SURF4: variants seen among roughly 807,000 people sequenced by gnomAD.
The protein encoded by SURF4 is surfeit 4, also known as surfeit locus protein 4.
A neutral mutation model predicts 30.0 loss-of-function variants in SURF4; 3 were observed. The observed-to-expected ratio is 0.10, with a 90% confidence interval of 0.05 to 0.26. The LOEUF is 0.26. Ranked by LOEUF, SURF4 falls within the 10% of genes least tolerant of loss-of-function variation. SURF4 has a pLI of 1.00. For synonymous variants in SURF4, 143 were observed against 139.9 expected, an observed-to-expected ratio of 1.02 and a Z score of -0.16; for missense variants, 217 against 350.8, an observed-to-expected ratio of 0.62 and a Z score of 3.05.
Position 133,366,607 on chromosome 9 carries a change from C to T in SURF4, c.304G>A (p.Ala102Thr). The T allele has an allele frequency of 1.2e-6, 2 of 1,613,940 alleles. No homozygotes were observed. Among genetic ancestry groups the T allele is most frequent in the Non-Finnish European group, 1.7e-6 (2 of 1,180,012 alleles). The part of the protein sequence containing the change: ...YACFGLFGII[A>T]LQTIAYSILW... ...CCACGCGGCCCGTGTACCTGCAGAG[C>T]TATGATTCCAAAGAGCCCGAAGCAG... is the stretch of plus-strand genomic sequence containing the variant. Residue 102 changes from alanine (A) to threonine (T), a missense_variant, in exon 3 of 6, where the codon GCT (alanine) becomes ACT (threonine). Physicochemically the swap from Ala to Thr is moderately conservative, Grantham distance 58. Coordinates refer to ENST00000371989, the MANE Select transcript of SURF4 (RefSeq NM_033161.4).
chr9:133,365,996 C>T lies in SURF4; in HGVS notation c.345G>A (p.Lys115=), dbSNP rs2130122223. The change falls in exon 4 of 6, where the codon AAG becomes AAA. Residue 115 remains lysine (K), a synonymous_variant. Coordinates refer to ENST00000371989, the MANE Select transcript of SURF4 (RefSeq NM_033161.4). Reference sequence around the variant, plus strand: ...CAGAATGCACATACCTCATCAAAAACTTCAAGTCCCATAAAATGCTGTAGG... The same window carrying T: ...CAGAATGCACATACCTCATCAAAAATTTCAAGTCCCATAAAATGCTGTAGG... ...TIAYSILWDL[K]FLMRNLALGG... 2 of 1,614,038 alleles carry T rather than the reference C, an allele frequency of 1.2e-6. No individual in the cohort carries two copies. Among genetic ancestry groups the T allele is most frequent in the East Asian group, 2.2e-5 (1 of 44,884 alleles).
At chr9:133,376,440 G>T (rs1348741328), upstream of SURF4, 3 of 1,544,262 alleles carry the variant, frequency 1.9e-6, no homozygotes, top group South Asian at 1.2e-5. Context: ...GGGGCCAGGG[G>T]TGGACGCTCG....
chr9:133,361,583 A>G lies in SURF4; in HGVS notation c.*1910T>C, dbSNP rs1427726326. 1 of 154,722 alleles carries G rather than the reference A, an allele frequency of 6.5e-6. No individual in the cohort carries two copies. Among genetic ancestry groups the G allele is most frequent in the Non-Finnish European group, 1.4e-5 (1 of 69,624 alleles). 9.6% of individuals were successfully genotyped at this position (154,722 alleles called of 1,614,324 possible). ...TAGATCTGTTTCCCACATAAAGCAAAAAAATCTTAGAAATTGTTTTGCCAG... is the reference window on the plus strand; with the variant it reads ...TAGATCTGTTTCCCACATAAAGCAAGAAAATCTTAGAAATTGTTTTGCCAG... On this transcript the variant is annotated 3_prime_UTR_variant, in exon 6 of 6. Coordinates refer to ENST00000371989, the MANE Select transcript of SURF4 (RefSeq NM_033161.4).
At chr9:133,372,788 G>A (rs1360935567) in intron 1 of SURF4, 1 of 267,316 alleles carries the variant, frequency 3.7e-6, no homozygotes, top group Non-Finnish European at 5.8e-6. Context: ...TGAATAAAGA[G>A]AAACAAAGCC....
rs2130236742 is a variant in SURF4 at position 133,375,423 on chromosome 9, C to T, written c.48+499G>A. ...AGAAAAGGAAAAGGTGCTGTGGCTTCCTGTAGCTGGGGCGCACGCCAGCGC... is the reference window on the plus strand; with the variant it reads ...AGAAAAGGAAAAGGTGCTGTGGCTTTCTGTAGCTGGGGCGCACGCCAGCGC... On this transcript the variant is annotated intron_variant, in intron 1 of 5. Coordinates refer to ENST00000371989, the MANE Select transcript of SURF4 (RefSeq NM_033161.4). 5 of 985,898 alleles carry T rather than the reference C, an allele frequency of 5.1e-6. No individual in the cohort carries two copies. In the African/African-American group the frequency reaches 5.2e-5, roughly 10 times the overall value. The allele number at this position is 985,898 out of a possible 1,614,324, so 61.1% of individuals were successfully genotyped here. A position where few individuals can be genotyped will look rare whatever the true frequency, so the allele number is the denominator to read the frequency against.
At chr9:133,365,158 G>T in intron 4 of SURF4, 132 bp from the exon 5 acceptor site, 1 of 830,698 alleles carries the variant, frequency 1.2e-6, no homozygotes, top group Non-Finnish European at 1.8e-6. Context: ...CCAGTGATCT[G>T]CCAAGCAGGA....
chr9:133,373,042 G>A (rs1287747480), intron 1 of SURF4, among the ~76,000 whole-genome samples: 1 of 152,184 alleles, frequency 6.6e-6, no homozygotes, highest in Admixed American at 6.5e-5. Flanking sequence ...TTACAGATAT[G>A]GTCCTAACCC....
intron 1 of SURF4, chr9:133,375,191 T>G: frequency 1.0e-6 from 1 of 985,082 alleles, no homozygotes; most frequent in Non-Finnish European, 1.2e-6. Flanking sequence ...CTCTCAACAG[T>G]TACCCAACCG....
chr9:133,376,126 A>C, upstream of SURF4: 5 of 1,204,832 alleles, frequency 4.1e-6, no homozygotes, highest in Non-Finnish European at 5.2e-6. Flanking sequence ...GCCAAGCCTT[A>C]AAGGGGCCGC....
intron 1 of SURF4, among the ~76,000 whole-genome samples, chr9:133,367,694 C>A (rs1224964525): frequency 6.6e-6 from 1 of 152,230 alleles, no homozygotes; most frequent in East Asian, 1.9e-4. Context: ...TGACGTTAGG[C>A]CCTCTGGGGC....
At chr9:133,366,255 T>C (rs2130125024) in intron 3 of SURF4, among the ~76,000 whole-genome samples, 1 of 152,372 alleles carries the variant, frequency 6.6e-6, no homozygotes. Context: ...ACCACTGATG[T>C]GGATTCAGAT....
upstream of SURF4, among the ~76,000 whole-genome samples, chr9:133,377,252 C>T (rs1837999869): frequency 6.6e-6 from 1 of 152,070 alleles, no homozygotes; most frequent in Non-Finnish European, 1.5e-5. Context: ...AGGAATATAC[C>T]TGCTTTTGGA....
chr9:133,370,161 T>C (rs2130177374), intron 1 of SURF4, among the ~76,000 whole-genome samples: 5 of 152,248 alleles, frequency 3.3e-5, no homozygotes, highest in African/African-American at 1.2e-4. Context: ...GCCCACGAGA[T>C]TGAGGCAGTG....
rs2130140664 is a variant in SURF4 at position 133,367,347 on chromosome 9, G to A, written c.147C>T (p.Ser49=). 17 of 1,614,084 alleles carry A rather than the reference G, an allele frequency of 1.1e-5. No homozygotes were observed. The highest frequency in any genetic ancestry group is 8.8e-5 in the South Asian group (8 of 91,080). The part of the protein sequence containing the change: ...EDGIRMWFQW[S]EQRDYIDTTW... ...TGGTGTCGATGTAGTCGCGCTGCTC[G>A]CTCCACTGGAACCACATACGGATGC... The change falls in exon 2 of 6, where the codon AGC becomes AGT. Residue 49 remains serine, a synonymous_variant. Coordinates refer to ENST00000371989, the MANE Select transcript of SURF4 (RefSeq NM_033161.4).
intron 1 of SURF4, among the ~76,000 whole-genome samples, chr9:133,369,476 T>A (rs1264696632): frequency 6.6e-6 from 1 of 152,200 alleles, no homozygotes; most frequent in Non-Finnish European, 1.5e-5. Context: ...GTTGGTAAGA[T>A]GCTTTCCAAC....
chr9:133,376,333 G>C (rs1837941202), upstream of SURF4: 1 of 1,369,842 alleles, frequency 7.3e-7, no homozygotes, highest in Non-Finnish European at 9.4e-7. Flanking sequence ...CGGGGACCTG[G>C]GGGTCTGGGG....
upstream of SURF4, chr9:133,376,368 G>A (rs1837942655): frequency 2.9e-6 from 4 of 1,402,374 alleles, no homozygotes; most frequent in African/African-American, 3.1e-5. Flanking sequence ...GGACGCCTGA[G>A]TGCCTCGAGG....
Position 133,367,428 on chromosome 9 carries a change from C to T in SURF4, c.66G>A (p.Lys22=), listed in dbSNP as rs1837242570. 1 of 1,613,738 alleles carries T rather than the reference C, an allele frequency of 6.2e-7. No individual in the cohort carries two copies. Among genetic ancestry groups the T allele is most frequent in the African/African-American group, 1.3e-5 (1 of 74,938 alleles). The change falls in exon 2 of 6, where the codon AAG becomes AAA. Residue 22 remains lysine, a synonymous_variant. Transcript: ENST00000371989. ...DFADQFLRVT[K]QYLPHVARLC... ...GGCGCGCCACGTGGGGCAGGTACTGCTTTGTGACACGGAGGAACTGCAGGG... is the reference window on the plus strand; with the variant it reads ...GGCGCGCCACGTGGGGCAGGTACTGTTTTGTGACACGGAGGAACTGCAGGG...
At chr9:133,376,154 C>A, upstream of SURF4, 1 of 1,211,570 alleles carries the variant, frequency 8.3e-7, no homozygotes, top group Middle Eastern at 3.2e-4. Flanking sequence ...CCGGGCCCGC[C>A]CCGGTGCGTC....
Sources: gnomAD v4.1 joint callset for allele counts (sites outside exome capture counted in the v4.1 genomes callset) on GRCh38, gnomAD v4.1.1 for gene constraint, MANE v1.5 for transcripts, NCBI Gene and HGNC (gene_info 2026-07-23, HGNC 2026-07-21) for gene names.